The following DLG2 variants were observed in gnomAD, a reference collection of about 807,000 sequenced individuals.
The protein encoded by DLG2 is disks large homolog 2.
A neutral mutation model predicts 132.5 loss-of-function variants in DLG2; 45 were observed. That is an observed-to-expected ratio of 0.34 (90% confidence interval 0.27 to 0.44). The LOEUF (loss-of-function observed/expected upper bound fraction) is 0.44, where lower values mean the gene tolerates loss of function less well. DLG2 is among the 20% of genes least tolerant of loss of function. The probability of loss-of-function intolerance (pLI) is 1.00; values close to 1 mark genes in which losing one functional copy is unlikely to be tolerated. For synonymous variants in DLG2, 424 were observed against 419.6 expected, an observed-to-expected ratio of 1.01 and a Z score of -0.13; for missense variants, 1,045 against 1,196.9, an observed-to-expected ratio of 0.87 and a Z score of 1.87.
chr11:83,717,887 T>A (rs1250588776), intron 18 of DLG2, among the ~76,000 whole-genome samples: 1 of 152,180 alleles, frequency 6.6e-6, no homozygotes, highest in African/African-American at 2.4e-5. Flanking sequence ...CAAAGACAGA[T>A]CCTTTGGGTT....
At chr11:85,219,995 T>C (rs1422567942) in intron 4 of DLG2, among the ~76,000 whole-genome samples, 2 of 151,884 alleles carry the variant, frequency 1.3e-5, no homozygotes, top group African/African-American at 4.8e-5. Flanking sequence ...TTGTCTTAAT[T>C]TGGAGAGTTT....
intron 22 of DLG2, chr11:83,483,153 A>C (rs1197737035): frequency 2.2e-6 from 2 of 912,896 alleles, no homozygotes. Flanking sequence ...TATCTTGTGC[A>C]TGCTAGGAGT....
chr11:84,526,006 C>CA (rs1417639167), intron 7 of DLG2, among the ~76,000 whole-genome samples: 5 of 152,050 alleles, frequency 3.3e-5, no homozygotes, highest in African/African-American at 7.3e-5. Context: ...TCTCCAGCTC[C>CA]AAAAAATTAA....
chr11:85,362,088 CT>C (rs959447955), intron 3 of DLG2, among the ~76,000 whole-genome samples: 19 of 152,254 alleles, frequency 1.2e-4, no homozygotes, highest in African/African-American at 4.1e-4. Flanking sequence ...TTCCAAGTAG[CT>C]GGGACTACTG....
At chr11:84,526,872 G>A (rs867878267) in intron 7 of DLG2, among the ~76,000 whole-genome samples, 9 of 144,552 alleles carry the variant, frequency 6.2e-5, no homozygotes, top group Non-Finnish European at 6.0e-5. Flanking sequence ...TCCGCCTCCC[G>A]GGTTCACGCC....
intron 3 of DLG2, among the ~76,000 whole-genome samples, chr11:85,580,440 G>A (rs1478467215): frequency 6.6e-6 from 1 of 152,158 alleles, no homozygotes; most frequent in East Asian, 1.9e-4. Flanking sequence ...AGAAGTCAGA[G>A]AACAACAGAA....
intron 3 of DLG2, among the ~76,000 whole-genome samples, chr11:85,443,229 C>T (rs2091866794): frequency 6.6e-6 from 1 of 152,204 alleles, no homozygotes; most frequent in Non-Finnish European, 1.5e-5. Context: ...TCAATCTCCT[C>T]CATCAGACTG....
intron 7 of DLG2, among the ~76,000 whole-genome samples, chr11:84,361,032 C>G (rs1379726903): frequency 6.6e-6 from 1 of 151,804 alleles, no homozygotes; most frequent in Admixed American, 6.6e-5. Context: ...AAAGAAGAAA[C>G]CAGTTAACTC....
At chr11:84,960,247 G>T (rs1298341840) in intron 6 of DLG2, among the ~76,000 whole-genome samples, 2 of 151,914 alleles carry the variant, frequency 1.3e-5, no homozygotes, top group African/African-American at 4.8e-5. Flanking sequence ...TCTTCCCCTT[G>T]GGTCTTACAC....
chr11:85,596,402 C>CAAAAT (rs1449922655), intron 3 of DLG2, among the ~76,000 whole-genome samples: 1 of 151,954 alleles, frequency 6.6e-6, no homozygotes, highest in East Asian at 1.9e-4. Flanking sequence ...ATAAATAAAA[C>CAAAAT]AAAATAAAAT....
Position 84,439,981 on chromosome 11 carries a change from T to C in DLG2, c.519+94589A>G, listed in dbSNP as rs142520075. On this transcript the variant is annotated intron_variant, in intron 7 of 27. Coordinates refer to ENST00000376104, the MANE Select transcript of DLG2 (RefSeq NM_001142699.3). ...GACTGACATTATAATTTTTTATATCTTTCTATAATTTTTGCATTCTCTTCA... is the reference window on the plus strand; with the variant it reads ...GACTGACATTATAATTTTTTATATCCTTCTATAATTTTTGCATTCTCTTCA... 6.8e-3 allele frequency among the ~76,000 whole-genome samples: 1,031 copies of C among 152,312 alleles called. 6 individuals are homozygous for C. The highest frequency in any genetic ancestry group is 0.023 in the African/African-American group (976 of 41,570).
chr11:84,232,592 TAGA>T (rs1031461667), intron 8 of DLG2, among the ~76,000 whole-genome samples: 5 of 152,110 alleles, frequency 3.3e-5, no homozygotes, highest in Admixed American at 1.3e-4. Flanking sequence ...TTAGAGTTCT[TAGA>T]AGAAGATGAA....
intron 6 of DLG2, among the ~76,000 whole-genome samples, chr11:84,717,751 C>T (rs2061386060): frequency 6.6e-6 from 1 of 151,922 alleles, no homozygotes; most frequent in Non-Finnish European, 1.5e-5. Flanking sequence ...ATAAGCCCAC[C>T]TCAGTGAAGC....
At chr11:84,593,974 T>C (rs1250394773) in intron 6 of DLG2, among the ~76,000 whole-genome samples, 1 of 152,168 alleles carries the variant, frequency 6.6e-6, no homozygotes, top group African/African-American at 2.4e-5. Flanking sequence ...GAACACTACT[T>C]TTCCCATCTA....
At chr11:83,684,451 T>C (rs2079373249) in intron 18 of DLG2, 1 of 152,182 alleles carries the variant, frequency 6.6e-6, no homozygotes, top group Admixed American at 6.5e-5. Flanking sequence ...TTGTTTAGCT[T>C]TTCCTCTGAG....
chr11:85,089,396 G>A (rs1265821056), intron 6 of DLG2, among the ~76,000 whole-genome samples: 2 of 152,020 alleles, frequency 1.3e-5, no homozygotes, highest in Admixed American at 1.3e-4. Flanking sequence ...TTGGTTTTCT[G>A]TTCCTGCATT....
intron 7 of DLG2, among the ~76,000 whole-genome samples, chr11:84,451,957 C>T (rs1026016083): frequency 4.0e-5 from 6 of 151,506 alleles, no homozygotes; most frequent in African/African-American, 1.2e-4. Context: ...TGTTTGAACT[C>T]ACAGATCTAT....
Position 85,189,977 on chromosome 11 carries a change from T to C in DLG2, c.187-35326A>G, listed in dbSNP as rs565899574. Among the ~76,000 whole-genome samples, 4 of 152,280 alleles carry C rather than the reference T, an allele frequency of 2.6e-5. 1 individual carries two copies. Among genetic ancestry groups the C allele is most frequent in the South Asian group, 4.1e-4 (2 of 4,826 alleles). ...TGACTGGAGGATGTATCTTATAATG[T>C]ATAAATTATACTTCAGTAAAGCTGT... On this transcript the variant is annotated intron_variant, in intron 4 of 27. Transcript: ENST00000376104.
intron 9 of DLG2, among the ~76,000 whole-genome samples, chr11:84,156,968 T>A (rs1000879773): frequency 2.6e-5 from 4 of 152,184 alleles, no homozygotes; most frequent in Admixed American, 6.5e-5. Context: ...ATTCCTAATT[T>A]CTAATAGAAT....
Sources: gnomAD v4.1 joint callset for allele counts (sites outside exome capture counted in the v4.1 genomes callset) on GRCh38, gnomAD v4.1.1 for gene constraint, MANE v1.5 for transcripts, NCBI Gene and HGNC (gene_info 2026-07-23, HGNC 2026-07-21) for gene names.